Variants in SLC39A11 observed in about 807,000 individuals in gnomAD.
The protein encoded by SLC39A11 is solute carrier family 39 member 11, also known as zinc transporter ZIP11.
Under a neutral mutation model 36.1 loss-of-function variants are expected in SLC39A11, and 33 were observed. The ratio of observed to expected loss-of-function variants is 0.91; its 90% CI spans 0.69 to 1.22. The LOEUF (loss-of-function observed/expected upper bound fraction) is 1.22. Ranked by LOEUF, SLC39A11 falls within the 50% of genes most tolerant of loss-of-function variation. SLC39A11 has a pLI of 0.00. For missense variants in SLC39A11, 432 were observed against 430.3 expected (o/e 1.00, Z -0.03); for synonymous variants, 166 against 170.3 (o/e 0.97, Z 0.20).
Position 73,082,602 on chromosome 17 carries a change from A to G in SLC39A11, c.147+2206T>C, listed in dbSNP as rs147375594. Among the ~76,000 whole-genome samples, 467 of 152,196 alleles carry G rather than the reference A, an allele frequency of 3.1e-3. 3 individuals are homozygous for G. The highest frequency in any genetic ancestry group is 0.01 in the African/African-American group (431 of 41,528). The stretch of plus-strand genomic sequence containing the variant: ...ATACTGGCATTCTGTTCTTTGTACT[A>G]TTTTCAAGTTACAGATCCAAAATCC... On this transcript the variant is annotated intron_variant, in intron 3 of 9. Coordinates refer to ENST00000255559, the MANE Select transcript of SLC39A11 (RefSeq NM_139177.4).
At chr17:72,860,960 T>C (rs1049383543) in intron 5 of SLC39A11, among the ~76,000 whole-genome samples, 2 of 152,180 alleles carry the variant, frequency 1.3e-5, no homozygotes, top group Non-Finnish European at 2.9e-5. Flanking sequence ...GGAGAGTGGA[T>C]GAGAGTAGGT....
intron 6 of SLC39A11, among the ~76,000 whole-genome samples, chr17:72,809,332 C>G (rs1262922577): frequency 6.6e-6 from 1 of 152,020 alleles, no homozygotes; most frequent in Admixed American, 6.6e-5. Flanking sequence ...TGCCGTGGTA[C>G]AGGAGCGGCA....
rs1555655753 is a variant in SLC39A11, at chr17:72,967,399, A to AGT, written c.307-19526_307-19525dup. On this transcript the variant is annotated intron_variant, in intron 4 of 9. Coordinates refer to ENST00000255559, the MANE Select transcript of SLC39A11 (RefSeq NM_139177.4). ...GAGAGAGAGAGAGAGAGAGAGAGAG[A>AGT]GTGTGTGTGTGTGTGTGTTTTCCTT... 6.4e-4 allele frequency among the ~76,000 whole-genome samples: 88 copies of AGT among 138,268 alleles called. 1 individual carries two copies. The highest frequency in any genetic ancestry group is 9.4e-4 in the African/African-American group (34 of 36,140). The allele number at this position is 138,268 out of a possible 152,430, so 90.7% of individuals were successfully genotyped here.
At chr17:72,674,970 A>G (rs115805860) in intron 7 of SLC39A11, among the ~76,000 whole-genome samples, 31,634 of 141,896 alleles carry the variant, frequency 0.22, 3,446 homozygotes, top group Middle Eastern at 0.29. Context: ...CATTGGAAAA[A>G]AAAGTGTGTG....
intron 7 of SLC39A11, among the ~76,000 whole-genome samples, chr17:72,671,675 C>G (rs908349529): frequency 1.3e-5 from 2 of 151,854 alleles, no homozygotes; most frequent in African/African-American, 4.8e-5. Context: ...AAGCAGAGAT[C>G]GTGCCACTGC....
rs75829098 is a variant in SLC39A11 at position 72,894,388 on chromosome 17, G to A, written c.431-44584C>T. Among the ~76,000 whole-genome samples the A allele has an allele frequency of 4.2e-3, 455 of 108,270 alleles. 1 individual carries two copies. The highest frequency in any genetic ancestry group is 6.1e-3 in the Non-Finnish European group (323 of 52,650). 71.0% of individuals were successfully genotyped at this position (108,270 alleles called of 152,430 possible). ...AAAAAAAAAAAAAAAAAAAAAAAAAGGCCAGGGACGGTGACTCATGCCTGT... is the reference window on the plus strand; with the variant it reads ...AAAAAAAAAAAAAAAAAAAAAAAAAAGCCAGGGACGGTGACTCATGCCTGT... On this transcript the variant is annotated intron_variant, in intron 5 of 9. Coordinates refer to ENST00000255559, the MANE Select transcript of SLC39A11 (RefSeq NM_139177.4).
intron 4 of SLC39A11, among the ~76,000 whole-genome samples, chr17:72,967,469 A>G (rs980754768): frequency 6.6e-6 from 1 of 151,410 alleles, no homozygotes; most frequent in Non-Finnish European, 1.5e-5. Flanking sequence ...GAGCCATCCT[A>G]AAACCAGCCT....
chr17:72,657,087 C>T (rs2070161953), intron 7 of SLC39A11, among the ~76,000 whole-genome samples: 1 of 152,136 alleles, frequency 6.6e-6, no homozygotes, highest in South Asian at 2.1e-4. Context: ...ATAGGCCAGG[C>T]ACGGTGGCTC....
chr17:72,721,420 C>T (rs552393163), intron 7 of SLC39A11, among the ~76,000 whole-genome samples: 10 of 152,262 alleles, frequency 6.6e-5, no homozygotes, highest in Admixed American at 5.9e-4. Flanking sequence ...TTACTAGCTA[C>T]GGGGCTGTGG....
chr17:73,081,833 C>T (rs986872497), intron 3 of SLC39A11, among the ~76,000 whole-genome samples: 3 of 126,398 alleles, frequency 2.4e-5, no homozygotes, highest in Non-Finnish European at 5.2e-5. Context: ...TCGCAGCAAT[C>T]TGGATGGAAT....
At chr17:72,919,372 A>C (rs2083509007) in intron 5 of SLC39A11, among the ~76,000 whole-genome samples, 1 of 152,190 alleles carries the variant, frequency 6.6e-6, no homozygotes, top group South Asian at 2.1e-4. Flanking sequence ...AGGTGAAGAA[A>C]GAGACAGGGA....
At chr17:73,052,996 T>C (rs1433064338) in intron 3 of SLC39A11, among the ~76,000 whole-genome samples, 3 of 152,228 alleles carry the variant, frequency 2.0e-5, no homozygotes, top group African/African-American at 4.8e-5. Flanking sequence ...CCACTGAGCC[T>C]GGCCAACCTA....
At chr17:73,010,980 C>T (rs572599726) in intron 4 of SLC39A11, among the ~76,000 whole-genome samples, 1 of 152,332 alleles carries the variant, frequency 6.6e-6, no homozygotes, top group African/African-American at 2.4e-5. Context: ...TCAAATACCT[C>T]CTGAGAACCT....
chr17:72,969,464 T>C (rs2087265355), intron 4 of SLC39A11, among the ~76,000 whole-genome samples: 1 of 152,026 alleles, frequency 6.6e-6, no homozygotes, highest in South Asian at 2.1e-4. Context: ...TCTCCGGAGT[T>C]CAAAACCACT....
rs77742923 is a variant in SLC39A11, at chr17:72,887,332, C to A, written c.431-37528G>T. Among the ~76,000 whole-genome samples, 684 of 152,322 alleles carry A rather than the reference C, an allele frequency of 4.5e-3. 5 individuals carry two copies. The highest frequency in any genetic ancestry group is 0.016 in the African/African-American group (649 of 41,572). Reference sequence around the variant, plus strand: ...ATCAGAAAGGGGCTATGCAACAGGACAGAGAAAGTGCATCGAAACTCCGTT... The same window carrying A: ...ATCAGAAAGGGGCTATGCAACAGGAAAGAGAAAGTGCATCGAAACTCCGTT... On this transcript the variant is annotated intron_variant, in intron 5 of 9. Coordinates refer to ENST00000255559, the MANE Select transcript of SLC39A11 (RefSeq NM_139177.4).
At chr17:72,997,543 A>G (rs7209055) in intron 4 of SLC39A11, among the ~76,000 whole-genome samples, 12,948 of 152,176 alleles carry the variant, frequency 0.085, 944 homozygotes, top group African/African-American at 0.2. Flanking sequence ...GTGAGCCACC[A>G]CGCCCAGCCA....
intron 4 of SLC39A11, among the ~76,000 whole-genome samples, chr17:72,972,551 C>T (rs2087535736): frequency 6.6e-6 from 1 of 152,196 alleles, no homozygotes; most frequent in African/African-American, 2.4e-5. Flanking sequence ...AATATCCTCT[C>T]CCATTTCCAT....
At chr17:72,960,434 A>C (rs977367754) in intron 4 of SLC39A11, among the ~76,000 whole-genome samples, 5 of 152,146 alleles carry the variant, frequency 3.3e-5, no homozygotes, top group African/African-American at 4.8e-5. Context: ...TAGATAGATA[A>C]ATAGCCTCTT....
At chr17:73,060,712 T>C (rs1345113429) in intron 3 of SLC39A11, among the ~76,000 whole-genome samples, 2 of 152,298 alleles carry the variant, frequency 1.3e-5, no homozygotes, top group East Asian at 1.9e-4. Flanking sequence ...TACTGTCAAA[T>C]AATAAGTAAT....
Sources: gnomAD v4.1 joint callset for allele counts (sites outside exome capture counted in the v4.1 genomes callset) on GRCh38, gnomAD v4.1.1 for gene constraint, MANE v1.5 for transcripts, NCBI Gene and HGNC (gene_info 2026-07-23, HGNC 2026-07-21) for gene names.